Variants in GRM8 observed in about 807,000 individuals in gnomAD.
GRM8 encodes metabotropic glutamate receptor 8.
A neutral mutation model predicts 87.2 loss-of-function variants in GRM8; 47 were observed. That is an observed-to-expected ratio of 0.54 (90% CI 0.43 to 0.69). The LOEUF (loss-of-function observed/expected upper bound fraction) is 0.69, where lower values mean the gene tolerates loss of function less well. Among genes scored for constraint, GRM8 ranks in the 30% least tolerant of loss-of-function variants. GRM8 has a pLI of 0.00. For missense variants in GRM8, 1,019 were observed against 1,139.2 expected (o/e 0.89, Z 1.52); for synonymous variants, 396 against 404.5 (o/e 0.98, Z 0.25).
At chr7:126,574,134 T>C (rs1314811052) in intron 8 of GRM8, among the ~76,000 whole-genome samples, 1 of 152,212 alleles carries the variant, frequency 6.6e-6, no homozygotes, top group Non-Finnish European at 1.5e-5. Context: ...TAAATGACAC[T>C]GTTACCATCA....
chr7:126,910,259 T>C (rs889448038), intron 3 of GRM8, among the ~76,000 whole-genome samples: 1 of 151,934 alleles, frequency 6.6e-6, no homozygotes, highest in Non-Finnish European at 1.5e-5. Context: ...GCAGCAATCA[T>C]AATAATTTTA....
chr7:126,566,391 A>T (rs774806362), intron 8 of GRM8, among the ~76,000 whole-genome samples: 4 of 152,180 alleles, frequency 2.6e-5, no homozygotes, highest in Non-Finnish European at 5.9e-5. Context: ...TCCAAAGAAG[A>T]TCTACAAATG....
intron 3 of GRM8, among the ~76,000 whole-genome samples, chr7:126,909,178 A>G (rs1803025482): frequency 2.6e-5 from 4 of 152,260 alleles, no homozygotes; most frequent in South Asian, 4.1e-4. Flanking sequence ...AGCATAAGAT[A>G]CACCACAGTT....
chr7:126,845,264 T>G (rs1796611173), intron 6 of GRM8, among the ~76,000 whole-genome samples: 1 of 152,222 alleles, frequency 6.6e-6, no homozygotes, highest in East Asian at 1.9e-4. Flanking sequence ...GACATATTTG[T>G]GCTCATGGAG....
At chr7:126,602,755 C>T (rs1209364855) in intron 8 of GRM8, among the ~76,000 whole-genome samples, 1 of 151,712 alleles carries the variant, frequency 6.6e-6, no homozygotes, top group African/African-American at 2.4e-5. Context: ...AGTTTACCAA[C>T]CAAAAAGAGT....
At chr7:126,834,210 T>C (rs1389439883) in intron 6 of GRM8, among the ~76,000 whole-genome samples, 1 of 152,136 alleles carries the variant, frequency 6.6e-6, no homozygotes, top group African/African-American at 2.4e-5. Context: ...TAGAAAACTA[T>C]CTTTGACAGA....
At chr7:127,206,471 G>A (rs542466993) in intron 2 of GRM8, among the ~76,000 whole-genome samples, 1 of 152,262 alleles carries the variant, frequency 6.6e-6, no homozygotes, top group East Asian at 1.9e-4. Context: ...TGTGGGCTTT[G>A]CTAAATAAAC....
At chr7:126,756,445 T>C (rs1307941325) in intron 7 of GRM8, among the ~76,000 whole-genome samples, 1 of 152,036 alleles carries the variant, frequency 6.6e-6, no homozygotes, top group Admixed American at 6.6e-5. Flanking sequence ...GAAAAACTTC[T>C]GCTCTAGAAA....
intron 6 of GRM8, among the ~76,000 whole-genome samples, chr7:126,839,113 T>C (rs1018163754): frequency 6.6e-6 from 1 of 152,172 alleles, no homozygotes; most frequent in African/African-American, 2.4e-5. Context: ...TGCATGATTT[T>C]TGGCCGGGAA....
At chr7:126,714,891 G>C (rs1057292313) in intron 7 of GRM8, among the ~76,000 whole-genome samples, 2 of 152,024 alleles carry the variant, frequency 1.3e-5, no homozygotes, top group African/African-American at 4.8e-5. Context: ...ATGGTATTAA[G>C]AAAATCATAA....
At chr7:127,029,391 T>G (rs377382355) in intron 3 of GRM8, among the ~76,000 whole-genome samples, 3 of 152,304 alleles carry the variant, frequency 2.0e-5, no homozygotes, top group East Asian at 3.9e-4. Flanking sequence ...ATATCCTTGT[T>G]AATTTTCTGT....
intron 9 of GRM8, among the ~76,000 whole-genome samples, chr7:126,525,750 T>C (rs1813724790): frequency 1.3e-5 from 2 of 152,168 alleles, no homozygotes; most frequent in South Asian, 4.1e-4. Context: ...TCTCTCTCCC[T>C]CTCTTTCTCC....
chr7:127,116,234 T>C (rs1826691563), intron 2 of GRM8, among the ~76,000 whole-genome samples: 1 of 152,256 alleles, frequency 6.6e-6, no homozygotes, highest in Admixed American at 6.5e-5. Context: ...TATTTAAATT[T>C]CCATATATTT....
chr7:126,668,043 G>T (rs1211104539), intron 7 of GRM8, among the ~76,000 whole-genome samples: 1 of 152,204 alleles, frequency 6.6e-6, no homozygotes, highest in Non-Finnish European at 1.5e-5. Flanking sequence ...CAAGCAGCCT[G>T]CCCACTGGGG....
At chr7:126,921,253 T>TA (rs1203590753) in intron 3 of GRM8, among the ~76,000 whole-genome samples, 6 of 151,894 alleles carry the variant, frequency 4.0e-5, no homozygotes, top group Admixed American at 6.6e-5. Flanking sequence ...TCCTAGAAAT[T>TA]AAAAAGGAGA....
intron 7 of GRM8, among the ~76,000 whole-genome samples, chr7:126,691,770 T>G (rs758089850): frequency 6.6e-6 from 1 of 152,112 alleles, no homozygotes; most frequent in Non-Finnish European, 1.5e-5. Flanking sequence ...CAGATAAACT[T>G]CAGTGTTGCC....
chr7:126,867,255 A>C (rs1798681296), intron 6 of GRM8, among the ~76,000 whole-genome samples: 1 of 152,162 alleles, frequency 6.6e-6, no homozygotes. Context: ...CACCAATCTG[A>C]GTCACTAGTA....
At chr7:126,611,756 T>C (rs970435955) in intron 7 of GRM8, among the ~76,000 whole-genome samples, 16 of 152,244 alleles carry the variant, frequency 1.1e-4, no homozygotes, top group Non-Finnish European at 2.1e-4. Flanking sequence ...GTAATTTGTA[T>C]AACACATTAC....
chr7:126,940,664 C>G lies in GRM8; in HGVS notation c.728-35981G>C, dbSNP rs114275013. ...ATGAGCTCCCAATTGAAGTGTTCTA[C>G]TGGTAACCTCATATAGGCACAGACT... On this transcript the variant is annotated intron_variant, in intron 3 of 10. Transcript: ENST00000339582. Among the ~76,000 whole-genome samples the G allele has an allele frequency of 6.3e-3, 958 of 152,300 alleles. 12 individuals are homozygous for G. Among genetic ancestry groups the G allele is most frequent in the African/African-American group, 0.022 (901 of 41,546 alleles).
Sources: allele counts gnomAD v4.1 joint callset (sites outside exome capture counted in the v4.1 genomes callset), GRCh38; gene constraint gnomAD v4.1.1; transcripts MANE v1.5; gene names NCBI Gene and HGNC (gene_info 2026-07-23, HGNC 2026-07-21).